Variants in NOX4 observed in about 807,000 individuals in gnomAD.
NOX4 encodes the protein NADPH oxidase 4.
In NOX4, 69 loss-of-function variants were observed where a neutral mutation model predicts 87.6. That is an observed-to-expected ratio of 0.79 (90% CI 0.65 to 0.96). The LOEUF (loss-of-function observed/expected upper bound fraction) is 0.96. NOX4 is among the 40% of genes least tolerant of loss of function. NOX4 has a pLI of 0.00. For missense variants in NOX4, 680 were observed against 681.5 expected, an observed-to-expected ratio of 1.00 and a Z score of 0.02; for synonymous variants, 275 against 238.2, an observed-to-expected ratio of 1.15 and a Z score of -1.42.
intron 2 of NOX4, among the ~76,000 whole-genome samples, chr11:89,483,766 A>G (rs1946485098): frequency 6.6e-6 from 1 of 152,130 alleles, no homozygotes; most frequent in African/African-American, 2.4e-5. Flanking sequence ...TTTATCACAA[A>G]AAAAGATAAG....
intron 2 of NOX4, among the ~76,000 whole-genome samples, chr11:89,458,705 A>T (rs1366273788): frequency 6.6e-6 from 1 of 152,094 alleles, no homozygotes; most frequent in Non-Finnish European, 1.5e-5. Context: ...TGAAAACAAT[A>T]TTCAACATCA....
At chr11:89,352,558 T>C (rs890604303) in intron 13 of NOX4, among the ~76,000 whole-genome samples, 2 of 152,194 alleles carry the variant, frequency 1.3e-5, no homozygotes, top group Non-Finnish European at 2.9e-5. Flanking sequence ...TCATGATTCA[T>C]GGGAGGAAGT....
chr11:89,392,973 T>C (rs1341674925), intron 11 of NOX4, among the ~76,000 whole-genome samples: 3 of 152,110 alleles, frequency 2.0e-5, no homozygotes, highest in Non-Finnish European at 2.9e-5. Context: ...AGATAAGCAC[T>C]CCCATCCCTC....
the NOX4 span, among the ~76,000 whole-genome samples, chr11:89,504,349 A>G: frequency 7.2e-5 from 11 of 152,056 alleles, no homozygotes; most frequent in African/African-American, 2.4e-4. Flanking sequence ...TTTGCACTCC[A>G]TACAAAAATA....
intron 17 of NOX4, among the ~76,000 whole-genome samples, chr11:89,327,306 A>T (rs546781455): frequency 1.2e-4 from 18 of 152,312 alleles, no homozygotes; most frequent in African/African-American, 4.3e-4. Flanking sequence ...CTTTACACAT[A>T]GTTATCTAAA....
chr11:89,434,289 G>T (rs1023407962), intron 6 of NOX4, among the ~76,000 whole-genome samples: 1 of 152,038 alleles, frequency 6.6e-6, no homozygotes, highest in African/African-American at 2.4e-5. Context: ...AAAAATAAGA[G>T]AATTAGTCTA....
At chr11:89,398,879 G>A (rs1282473971) in intron 11 of NOX4, among the ~76,000 whole-genome samples, 1 of 151,790 alleles carries the variant, frequency 6.6e-6, no homozygotes, top group Non-Finnish European at 1.5e-5. Flanking sequence ...GGCACATACA[G>A]TAATATGGAA....
chr11:89,556,293 C>T, the NOX4 span, among the ~76,000 whole-genome samples: 6 of 152,012 alleles, frequency 3.9e-5, no homozygotes, highest in Non-Finnish European at 8.8e-5. Context: ...TAGCACAAGG[C>T]GAGTGGATTA....
At chr11:89,456,495 T>A (rs1945205858) in intron 2 of NOX4, among the ~76,000 whole-genome samples, 1 of 151,970 alleles carries the variant, frequency 6.6e-6, no homozygotes, top group Non-Finnish European at 1.5e-5. Flanking sequence ...TCTGAGCAGA[T>A]CTTCAGCAGG....
At chr11:89,534,953 T>C in the NOX4 span, among the ~76,000 whole-genome samples, 1 of 152,194 alleles carries the variant, frequency 6.6e-6, no homozygotes, top group South Asian at 2.1e-4. Context: ...AAGCCTGAAC[T>C]TTTTTCCCGC....
At chr11:89,520,976 C>T in the NOX4 span, among the ~76,000 whole-genome samples, 1 of 151,988 alleles carries the variant, frequency 6.6e-6, no homozygotes, top group Non-Finnish European at 1.5e-5. Flanking sequence ...AGGAATACGT[C>T]TAAGTAAGGA....
At chr11:89,466,687 T>C (rs960590925) in intron 2 of NOX4, among the ~76,000 whole-genome samples, 4 of 152,142 alleles carry the variant, frequency 2.6e-5, no homozygotes, top group Admixed American at 1.3e-4. Context: ...GTAGAGGAAA[T>C]ACATTAATCA....
At chr11:89,464,768 T>C (rs1414534813) in intron 2 of NOX4, among the ~76,000 whole-genome samples, 2 of 152,206 alleles carry the variant, frequency 1.3e-5, no homozygotes, top group South Asian at 2.1e-4. Context: ...GGATTCCATA[T>C]GTAATTTTTA....
rs146548817 is a variant in NOX4, at chr11:89,328,604, C to T, written c.1617-1728G>A. On this transcript the variant is annotated intron_variant, in intron 17 of 17. Coordinates refer to ENST00000263317, the MANE Select transcript of NOX4 (RefSeq NM_016931.5). ...AAACTTTAAAATGTACAGAAATCAACAAAAAAGTACCAGGAATTCAAAAAG... is the reference window on the plus strand; with the variant it reads ...AAACTTTAAAATGTACAGAAATCAATAAAAAAGTACCAGGAATTCAAAAAG... Among the ~76,000 whole-genome samples the T allele has an allele frequency of 3.6e-3, 554 of 152,010 alleles. 3 individuals carry two copies. Among genetic ancestry groups the T allele is most frequent in the African/African-American group, 0.013 (529 of 41,476 alleles).
the NOX4 span, among the ~76,000 whole-genome samples, chr11:89,521,520 C>T: frequency 6.6e-6 from 1 of 151,830 alleles, no homozygotes; most frequent in African/African-American, 2.4e-5. Flanking sequence ...TTACCACATA[C>T]AAAATTAATT....
chr11:89,455,331 G>C (rs1945141683), intron 2 of NOX4, among the ~76,000 whole-genome samples: 1 of 151,960 alleles, frequency 6.6e-6, no homozygotes, highest in Admixed American at 6.6e-5. Flanking sequence ...AAGCCCCAAA[G>C]GTACCTCATT....
chr11:89,567,611 G>A, the NOX4 span, among the ~76,000 whole-genome samples: 8 of 152,226 alleles, frequency 5.3e-5, no homozygotes, highest in East Asian at 1.5e-3. Flanking sequence ...AGGGAAGGGG[G>A]AAGCCTCTTA....
chr11:89,489,106 C>A, intron 2 of NOX4: 1 of 652,642 alleles, frequency 1.5e-6, no homozygotes, highest in Non-Finnish European at 2.7e-6. Context: ...GTGTGATCAA[C>A]AGATTATGAT....
the NOX4 span, among the ~76,000 whole-genome samples, chr11:89,561,151 C>T: frequency 0.014 from 2,068 of 144,356 alleles, 51 homozygotes; most frequent in African/African-American, 0.047. Context: ...TACACCACCT[C>T]TCTTTCAAAG....
Sources: gnomAD v4.1 joint callset for allele counts (sites outside exome capture counted in the v4.1 genomes callset) on GRCh38, gnomAD v4.1.1 for gene constraint, MANE v1.5 for transcripts, NCBI Gene and HGNC (gene_info 2026-07-23, HGNC 2026-07-21) for gene names.